Variants in GRIN2B observed in about 807,000 individuals in gnomAD.
GRIN2B encodes the protein glutamate ionotropic receptor NMDA type subunit 2B.
A neutral mutation model predicts 114.5 loss-of-function variants in GRIN2B; 5 were observed. That is an observed-to-expected ratio of 0.04 (90% confidence interval 0.02 to 0.09). GRIN2B has a LOEUF of 0.09. Among genes scored for constraint, GRIN2B ranks in the 10% least tolerant of loss-of-function variants. The pLI, the probability that GRIN2B is intolerant of heterozygous loss-of-function variation, is 1.00. For missense variants in GRIN2B, 1,108 were observed against 1,943.5 expected, an observed-to-expected ratio of 0.57 and a Z score of 8.08; for synonymous variants, 787 against 745.1, an observed-to-expected ratio of 1.06 and a Z score of -0.92.
intron 4 of GRIN2B, among the ~76,000 whole-genome samples, chr12:13,694,919 C>A (rs1159096144): frequency 6.6e-6 from 1 of 151,800 alleles, no homozygotes; most frequent in Non-Finnish European, 1.5e-5. Flanking sequence ...TTATGGCCTT[C>A]ATTTGCCTTT....
chr12:13,959,082 T>G (rs1867647106), intron 2 of GRIN2B, among the ~76,000 whole-genome samples: 1 of 152,204 alleles, frequency 6.6e-6, no homozygotes, highest in Non-Finnish European at 1.5e-5. Context: ...TAATAAATAC[T>G]TGTGACCAAA....
chr12:13,947,775 A>C (rs545438912), intron 2 of GRIN2B, among the ~76,000 whole-genome samples: 2 of 152,278 alleles, frequency 1.3e-5, no homozygotes, highest in South Asian at 4.1e-4. Context: ...GATGACACGA[A>C]GCTATCACCA....
intron 4 of GRIN2B, among the ~76,000 whole-genome samples, chr12:13,721,723 T>C (rs918207516): frequency 6.6e-6 from 1 of 152,032 alleles, no homozygotes; most frequent in African/African-American, 2.4e-5. Flanking sequence ...AAGTTGTAGA[T>C]GTGTACCTGA....
chr12:13,836,997 T>C (rs1327636991), intron 3 of GRIN2B, among the ~76,000 whole-genome samples: 2 of 152,206 alleles, frequency 1.3e-5, no homozygotes, highest in African/African-American at 4.8e-5. Context: ...GGCTCTCTCT[T>C]TCTTTTTGTT....
intron 5 of GRIN2B, among the ~76,000 whole-genome samples, chr12:13,630,899 G>A (rs893549508): frequency 6.6e-6 from 1 of 152,156 alleles, no homozygotes; most frequent in Non-Finnish European, 1.5e-5. Context: ...TCATAATTCT[G>A]CATGGCTGAG....
At chr12:13,604,576 C>T (rs1010283954) in intron 10 of GRIN2B, among the ~76,000 whole-genome samples, 2 of 152,168 alleles carry the variant, frequency 1.3e-5, no homozygotes, top group Admixed American at 6.5e-5. Context: ...AATCTAATCA[C>T]ATTGGAAAAT....
rs374704608 is a variant in GRIN2B at position 13,608,418 on chromosome 12, G to A, written c.2010+185C>T. Among the ~76,000 whole-genome samples the A allele has an allele frequency of 1.1e-4, 17 of 152,248 alleles. No homozygotes were observed. In the East Asian group the frequency reaches 2.9e-3, roughly 26 times the overall value. On this transcript the variant is annotated intron_variant, in intron 10 of 13. Transcript: ENST00000609686. ...GTGATAACTTTTCACGAATCAGGAG[G>A]CCAACATGAAGTCATATTATTTCAG...
chr12:13,860,798 C>T (rs1027614330), intron 3 of GRIN2B, among the ~76,000 whole-genome samples: 4 of 152,154 alleles, frequency 2.6e-5, no homozygotes, highest in African/African-American at 9.7e-5. Flanking sequence ...CTCAGCATAC[C>T]CTTTTCTTCC....
At chr12:13,699,784 T>C (rs1256068769) in intron 4 of GRIN2B, among the ~76,000 whole-genome samples, 1 of 151,972 alleles carries the variant, frequency 6.6e-6, no homozygotes, top group Non-Finnish European at 1.5e-5. Context: ...AGATGGGGTT[T>C]CACCATATTG....
chr12:13,787,950 TCA>T (rs1864246659), intron 3 of GRIN2B, among the ~76,000 whole-genome samples: 1 of 152,150 alleles, frequency 6.6e-6, no homozygotes, highest in Non-Finnish European at 1.5e-5. Context: ...CCAACTTATC[TCA>T]AATACACCAG....
At chr12:13,639,015 G>T (rs928949183) in intron 5 of GRIN2B, among the ~76,000 whole-genome samples, 29 of 152,084 alleles carry the variant, frequency 1.9e-4, no homozygotes, top group African/African-American at 6.8e-4. Flanking sequence ...TATCTCTCAA[G>T]CCCTGAGGAA....
At chr12:13,699,465 C>G (rs1950291009) in intron 4 of GRIN2B, among the ~76,000 whole-genome samples, 1 of 151,706 alleles carries the variant, frequency 6.6e-6, no homozygotes, top group African/African-American at 2.4e-5. Context: ...ACAGGGATCT[C>G]TGAAAAAAGA....
chr12:13,676,592 A>C (rs1414504666), intron 4 of GRIN2B, among the ~76,000 whole-genome samples: 1 of 152,142 alleles, frequency 6.6e-6, no homozygotes, highest in East Asian at 1.9e-4. Flanking sequence ...TCAAAAAACA[A>C]AGGTGGATTA....
At chr12:13,593,488 G>A (rs1949034835) in intron 10 of GRIN2B, among the ~76,000 whole-genome samples, 1 of 152,206 alleles carries the variant, frequency 6.6e-6, no homozygotes, top group Non-Finnish European at 1.5e-5. Flanking sequence ...AAAGTGGCTA[G>A]CCATATGCAG....
chr12:13,583,681 C>T (rs1948881357), intron 10 of GRIN2B, among the ~76,000 whole-genome samples: 1 of 152,118 alleles, frequency 6.6e-6, no homozygotes, highest in Admixed American at 6.5e-5. Flanking sequence ...GGAGCCAACT[C>T]CTCCAGATTG....
In GRIN2B at chr12:13,865,772, C is replaced by A. The variant is rs1164431928; in HGVS notation, c.411+26G>T. 3 of 1,579,804 alleles carry A rather than the reference C, an allele frequency of 1.9e-6. No individual in the cohort carries two copies. The Admixed American group carries it at 5.0e-5, about 26-fold the overall frequency. ...TTAGTCCTCAGCACAAACCCTCAGG[C>A]CCTTCTCCCTGCAGCCCCTTTTTAC... On this transcript the variant is annotated intron_variant, in intron 3 of 13. Coordinates refer to ENST00000609686, the MANE Select transcript of GRIN2B (RefSeq NM_000834.5).
At chr12:13,687,524 T>C (rs1337512546) in intron 4 of GRIN2B, among the ~76,000 whole-genome samples, 4 of 152,166 alleles carry the variant, frequency 2.6e-5, no homozygotes, top group Non-Finnish European at 4.4e-5. Context: ...ATCCCTATCA[T>C]AGGTTCCACC....
intron 3 of GRIN2B, among the ~76,000 whole-genome samples, chr12:13,804,846 A>T (rs1298061344): frequency 6.6e-6 from 1 of 152,138 alleles, no homozygotes; most frequent in Non-Finnish European, 1.5e-5. Flanking sequence ...GGGAAAATGA[A>T]CCAACCAGGT....
chr12:13,603,574 A>T (rs1196260578), intron 10 of GRIN2B, among the ~76,000 whole-genome samples: 2 of 152,114 alleles, frequency 1.3e-5, no homozygotes, highest in Non-Finnish European at 2.9e-5. Flanking sequence ...GAGCTGAAAA[A>T]AATCTTACCT....
Sources: gnomAD v4.1 joint callset for allele counts (sites outside exome capture counted in the v4.1 genomes callset) on GRCh38, gnomAD v4.1.1 for gene constraint, MANE v1.5 for transcripts, NCBI Gene and HGNC (gene_info 2026-07-23, HGNC 2026-07-21) for gene names.